TMEM232: variants seen among roughly 807,000 people sequenced by gnomAD.
The protein encoded by TMEM232 is transmembrane protein 232.
TMEM232 carries 80 observed loss-of-function variants against 78.8 expected under a neutral mutation model. That is an observed-to-expected ratio of 1.01 (90% CI 0.85 to 1.22). The LOEUF (loss-of-function observed/expected upper bound fraction) is 1.22, where lower values mean the gene tolerates loss of function less well. Ranked by LOEUF, TMEM232 falls within the 50% of genes most tolerant of loss-of-function variation. TMEM232 has a pLI of 0.00. For missense variants in TMEM232, 881 were observed against 742.2 expected, an observed-to-expected ratio of 1.19 and a Z score of -2.17; for synonymous variants, 297 against 254.3, an observed-to-expected ratio of 1.17 and a Z score of -1.60.
At chr5:110,675,234 G>A (rs986527959) in intron 1 of TMEM232, among the ~76,000 whole-genome samples, 2 of 151,876 alleles carry the variant, frequency 1.3e-5, no homozygotes, top group South Asian at 2.1e-4. Context: ...TAGTAGAGAC[G>A]GGGTTTCACT....
chr5:110,517,457 C>T (rs1768841578), intron 12 of TMEM232, among the ~76,000 whole-genome samples: 1 of 152,180 alleles, frequency 6.6e-6, no homozygotes, highest in Admixed American at 6.5e-5. Flanking sequence ...AATCCATACT[C>T]CTAATAAGAC....
At chr5:110,670,872 T>C (rs1791263605) in intron 1 of TMEM232, among the ~76,000 whole-genome samples, 1 of 151,990 alleles carries the variant, frequency 6.6e-6, no homozygotes, top group Non-Finnish European at 1.5e-5. Flanking sequence ...AAAAGAACAA[T>C]ACTCAATAAG....
At chr5:110,532,152 G>A (rs550198472) in intron 11 of TMEM232, among the ~76,000 whole-genome samples, 101 of 152,134 alleles carry the variant, frequency 6.6e-4, no homozygotes, top group Non-Finnish European at 1.3e-3. Flanking sequence ...AAGAATAGCC[G>A]CAGCCCAGGA....
At chr5:110,391,307 G>GTGTGTGTGTGTGTGTT (rs1755175641) in intron 3 of TMEM232, among the ~76,000 whole-genome samples, 1 of 140,572 alleles carries the variant, frequency 7.1e-6, no homozygotes, top group African/African-American at 3.0e-5. Context: ...GTGTGTGTGT[G>GTGTGTGTGTGTGTGTT]TGTGTGTGTG....
chr5:110,489,091 G>T (rs1424840258), intron 12 of TMEM232, among the ~76,000 whole-genome samples: 1 of 151,916 alleles, frequency 6.6e-6, no homozygotes, highest in East Asian at 1.9e-4. Flanking sequence ...CAAAAGTGCA[G>T]CATAGAATGG....
At chr5:110,667,423 T>A in intron 1 of TMEM232, 59 bp from the exon 2 acceptor site, 1 of 1,291,572 alleles carries the variant, frequency 7.7e-7, no homozygotes. Context: ...TCAAACAACA[T>A]GTTATGCAAA....
At chr5:110,684,654 C>CA (rs1793169533) in intron 1 of TMEM232, 1 of 152,036 alleles carries the variant, frequency 6.6e-6, no homozygotes, top group Non-Finnish European at 1.5e-5. Flanking sequence ...CAACAAACAA[C>CA]AAAAATTTAG....
At chr5:110,496,272 CA>C (rs1018391209) in intron 12 of TMEM232, among the ~76,000 whole-genome samples, 8 of 151,906 alleles carry the variant, frequency 5.3e-5, no homozygotes, top group African/African-American at 1.9e-4. Context: ...ATCGTTAATG[CA>C]GTTTTATTTC....
chr5:110,638,335 C>G lies in TMEM232; in HGVS notation c.364G>C (p.Ala122Pro), dbSNP rs1331550549. ...IQDESLNMLY[A>P]SLDHASFDYD... Reference sequence around the variant, plus strand: ...TCAAAGGAAGCATGGTCCAGAGATGCATAAAGCATATTTAAAGATTCTGAA... The same window carrying G: ...TCAAAGGAAGCATGGTCCAGAGATGGATAAAGCATATTTAAAGATTCTGAA... The change falls in exon 5 of 14, where the codon GCA (alanine) becomes CCA (proline). Residue 122 changes from alanine to proline, a missense_variant. Transcript: ENST00000455884. The G allele has an allele frequency of 2.0e-6, 3 of 1,537,576 alleles. No individual in the cohort carries two copies. The highest frequency in any genetic ancestry group is 1.7e-6 in the Non-Finnish European group (2 of 1,142,960).
chr5:110,681,328 G>A (rs1468155972), intron 1 of TMEM232, among the ~76,000 whole-genome samples: 1 of 152,168 alleles, frequency 6.6e-6, no homozygotes, highest in African/African-American at 2.4e-5. Flanking sequence ...TTGCTTCCGG[G>A]AGGAGCAGGG....
intron 1 of TMEM232, among the ~76,000 whole-genome samples, chr5:110,680,521 T>C (rs1211148939): frequency 6.6e-6 from 1 of 152,008 alleles, no homozygotes; most frequent in Non-Finnish European, 1.5e-5. Flanking sequence ...TAGAATAATC[T>C]TTTTCTTGGT....
At chr5:110,569,837 T>C (rs1776741099) in intron 10 of TMEM232, among the ~76,000 whole-genome samples, 1 of 151,964 alleles carries the variant, frequency 6.6e-6, no homozygotes, top group South Asian at 2.1e-4. Context: ...AGGGAACATA[T>C]AAACTTGAAC....
chr5:110,540,657 C>T (rs1420146946), intron 11 of TMEM232, among the ~76,000 whole-genome samples: 2 of 152,202 alleles, frequency 1.3e-5, no homozygotes, highest in East Asian at 3.8e-4. Context: ...GAGCTGGATA[C>T]ACAACAGTAA....
chr5:110,599,960 G>A (rs138980763), intron 10 of TMEM232, among the ~76,000 whole-genome samples: 5,221 of 151,048 alleles, frequency 0.035, 129 homozygotes, highest in African/African-American at 0.065. Flanking sequence ...AATCATAACA[G>A]TCTCTCAGAC....
rs563985985 is a variant in TMEM232, at chr5:110,485,456, C to A, written c.1703+43132G>T. The stretch of plus-strand genomic sequence containing the variant: ...AGTCTTTTAATCCCTCACCCACCAC[C>A]CCCCTAACTCTTGCAGGCCAAGTCC... On this transcript the variant is annotated intron_variant, in intron 12 of 13. Coordinates refer to ENST00000455884, the MANE Select transcript of TMEM232 (RefSeq NM_001039763.4). Among the ~76,000 whole-genome samples the A allele has an allele frequency of 7.2e-5, 11 of 152,158 alleles. No homozygotes were observed. In the East Asian group the frequency reaches 2.1e-3, roughly 29 times the overall value.
At chr5:110,620,858 C>CTTTTTTTTTTTT in intron 7 of TMEM232, among the ~76,000 whole-genome samples, 1 of 87,450 alleles carries the variant, frequency 1.1e-5, no homozygotes, top group Non-Finnish European at 2.1e-5. Flanking sequence ...ATTTCAAGCG[C>CTTTTTTTTTTTT]TTTTTTTTTT....
At chr5:110,545,719 A>C (rs1383732370) in intron 11 of TMEM232, among the ~76,000 whole-genome samples, 8 of 152,160 alleles carry the variant, frequency 5.3e-5, no homozygotes, top group Admixed American at 2.6e-4. Flanking sequence ...ATTGCACCAT[A>C]AAATGTTAAC....
At chr5:110,712,843 A>G (rs1219185077) in intron 1 of TMEM232, among the ~76,000 whole-genome samples, 1 of 152,190 alleles carries the variant, frequency 6.6e-6, no homozygotes, top group Admixed American at 6.5e-5. Context: ...TATGGAGAAC[A>G]TTTTGGAGGT....
chr5:110,485,986 T>C (rs1251314046), intron 12 of TMEM232, among the ~76,000 whole-genome samples: 1 of 151,988 alleles, frequency 6.6e-6, no homozygotes, highest in East Asian at 1.9e-4. Flanking sequence ...TCTACTGTTT[T>C]TCAATTTTTT....
Sources: allele counts gnomAD v4.1 joint callset (sites outside exome capture counted in the v4.1 genomes callset), GRCh38; gene constraint gnomAD v4.1.1; transcripts MANE v1.5; gene names NCBI Gene and HGNC (gene_info 2026-07-23, HGNC 2026-07-21).